MACC1: variants seen among roughly 807,000 people sequenced by gnomAD.
MACC1 encodes the protein MET transcriptional regulator MACC1.
MACC1 carries 79 observed loss-of-function variants against 70.7 expected under a neutral mutation model. That is an observed-to-expected ratio of 1.12 (90% confidence interval 0.93 to 1.35). MACC1 has a LOEUF of 1.35. Among genes scored for constraint, MACC1 ranks in the 40% most tolerant of loss-of-function variants. MACC1 has a pLI of 0.00. For missense variants in MACC1, 1,106 were observed against 978.1 expected, an observed-to-expected ratio of 1.13 and a Z score of -1.74; for synonymous variants, 361 against 347.2, an observed-to-expected ratio of 1.04 and a Z score of -0.44.
chr7:20,187,921 T>G (rs1266918120), intron 1 of MACC1, among the ~76,000 whole-genome samples: 1 of 152,168 alleles, frequency 6.6e-6, no homozygotes, highest in Non-Finnish European at 1.5e-5. Flanking sequence ...AAGAACTGCC[T>G]GAGACTGGGT....
At position 20,158,545 on chromosome 7, in the gene MACC1, T is replaced by A; in HGVS notation, c.1816A>T (p.Ile606Phe). The change falls in exon 5 of 7, where the codon ATT (isoleucine) becomes TTT (phenylalanine). Residue 606 changes from isoleucine (I) to phenylalanine (F), a missense_variant. Physicochemically the swap from Ile to Phe is conservative, Grantham distance 21. Coordinates refer to ENST00000400331, the MANE Select transcript of MACC1 (RefSeq NM_182762.4). Reference protein sequence around the residue: ...EWYVGVLRGKIGLVHCKNVKV... With the variant: ...EWYVGVLRGKFGLVHCKNVKV... Reference sequence around the variant, plus strand: ...ACATTTTTGCAGTGTACAAGTCCAATCTTACCTCTGAGGACTCCTACATAC... The same window carrying A: ...ACATTTTTGCAGTGTACAAGTCCAAACTTACCTCTGAGGACTCCTACATAC... The A allele has an allele frequency of 6.2e-7, 1 of 1,614,130 alleles. No homozygotes were observed. Among genetic ancestry groups the A allele is most frequent in the Admixed American group, 1.7e-5 (1 of 60,008 alleles).
intron 1 of MACC1, among the ~76,000 whole-genome samples, chr7:20,173,708 C>CAT (rs1392557952): frequency 6.6e-6 from 1 of 152,160 alleles, no homozygotes; most frequent in East Asian, 1.9e-4. Flanking sequence ...ATCTTGGGTC[C>CAT]TAGCCACATA....
intron 1 of MACC1, among the ~76,000 whole-genome samples, chr7:20,190,909 G>C (rs1295343277): frequency 6.6e-6 from 1 of 152,142 alleles, no homozygotes; most frequent in Non-Finnish European, 1.5e-5. Context: ...AAACACAATT[G>C]TTACTATGTA....
rs1285173138 is a variant in MACC1, at chr7:20,159,685, G to GTAC, written c.673_675dup (p.Val225dup). ...ACAGTGATGTCTGATTCAGGTAATT[G>GTAC]TACTGACCCTCCTTGATGGTTTACT... On this transcript the variant is annotated inframe_insertion, in exon 5 of 7. Coordinates refer to ENST00000400331, the MANE Select transcript of MACC1 (RefSeq NM_182762.4). 4 of 1,614,036 alleles carry GTAC rather than the reference G, an allele frequency of 2.5e-6. No homozygotes were observed. The highest frequency in any genetic ancestry group is 2.7e-5 in the African/African-American group (2 of 74,920).
chr7:20,212,149 G>C (rs765505456), intron 1 of MACC1, among the ~76,000 whole-genome samples: 23 of 152,140 alleles, frequency 1.5e-4, no homozygotes, highest in Non-Finnish European at 2.2e-4. Context: ...ATTAAGCAGG[G>C]TACTTTTTTA....
chr7:20,143,978 T>C (rs927895912), intron 6 of MACC1, among the ~76,000 whole-genome samples: 1 of 152,212 alleles, frequency 6.6e-6, no homozygotes, highest in African/African-American at 2.4e-5. Context: ...AATATGAGCA[T>C]ACTCTGTATT....
chr7:20,160,467 G>A (rs189166853), intron 4 of MACC1, among the ~76,000 whole-genome samples: 2 of 152,184 alleles, frequency 1.3e-5, no homozygotes, highest in Non-Finnish European at 2.9e-5. Flanking sequence ...TTGAACATAT[G>A]TAATGTTATT....
intron 1 of MACC1, among the ~76,000 whole-genome samples, chr7:20,189,083 C>T (rs1275302157): frequency 6.6e-6 from 1 of 152,188 alleles, no homozygotes; most frequent in Non-Finnish European, 1.5e-5. Flanking sequence ...CTGCCAAAAA[C>T]ACTCTTTCCC....
intron 1 of MACC1, among the ~76,000 whole-genome samples, chr7:20,198,008 C>T (rs1349689248): frequency 6.6e-6 from 1 of 152,072 alleles, no homozygotes; most frequent in Non-Finnish European, 1.5e-5. Context: ...AAAATACCAC[C>T]CTCTGGTGGT....
rs565852378 is a variant in MACC1, at chr7:20,202,585, A to G, written c.-218+14714T>C. Among the ~76,000 whole-genome samples, 12 of 152,298 alleles carry G rather than the reference A, an allele frequency of 7.9e-5. No individual in the cohort carries two copies. The East Asian group carries it at 2.1e-3, about 27-fold the overall frequency. ...TAATAATTGTTATTCCCTTTCCACT[A>G]TGCTTTATGAGAATTAAATGATTTA... On this transcript the variant is annotated intron_variant, in intron 1 of 6. Coordinates refer to ENST00000400331, the MANE Select transcript of MACC1 (RefSeq NM_182762.4).
chr7:20,178,107 T>A (rs1402966904), intron 1 of MACC1, among the ~76,000 whole-genome samples: 1 of 152,180 alleles, frequency 6.6e-6, no homozygotes, highest in Non-Finnish European at 1.5e-5. Flanking sequence ...AGTTTTAAGA[T>A]CTCAGTTTAC....
rs143775629 is a variant in MACC1 at position 20,188,503 on chromosome 7, C to G, written c.-217-17725G>C. 1.2e-3 allele frequency among the ~76,000 whole-genome samples: 180 copies of G among 152,250 alleles called. No individual in the cohort carries two copies. In the East Asian group the frequency reaches 0.017, roughly 14 times the overall value. On this transcript the variant is annotated intron_variant, in intron 1 of 6. Coordinates refer to ENST00000400331, the MANE Select transcript of MACC1 (RefSeq NM_182762.4). ...TCTATAAGCATAAAACATCAGGATG[C>G]TTTTTACATCTTTAAAGAAAAGTCA...
intron 1 of MACC1, among the ~76,000 whole-genome samples, chr7:20,171,486 C>A (rs1782306310): frequency 6.6e-6 from 1 of 151,816 alleles, no homozygotes; most frequent in Non-Finnish European, 1.5e-5. Flanking sequence ...GATCTCCTGA[C>A]CTTGTGATCC....
Position 20,212,908 on chromosome 7 carries a change from G to A in MACC1, c.-218+4391C>T, listed in dbSNP as rs142513688. On this transcript the variant is annotated intron_variant, in intron 1 of 6. Coordinates refer to ENST00000400331, the MANE Select transcript of MACC1 (RefSeq NM_182762.4). ...TGTAGGCGGAAGAATACTAGCGGGA[G>A]TGGCTGGAGACCCCATTTGGTAGGT... Among the ~76,000 whole-genome samples, 346 of 152,232 alleles carry A rather than the reference G, an allele frequency of 2.3e-3. 11 individuals are homozygous for A. The East Asian group carries it at 0.05, about 22-fold the overall frequency.
At chr7:20,186,858 T>C (rs905736852) in intron 1 of MACC1, among the ~76,000 whole-genome samples, 4 of 152,196 alleles carry the variant, frequency 2.6e-5, no homozygotes, top group African/African-American at 9.6e-5. Flanking sequence ...TCATTAAAAA[T>C]AATCTTGACG....
At chr7:20,210,805 CATTA>C (rs1452036088) in intron 1 of MACC1, among the ~76,000 whole-genome samples, 2 of 152,172 alleles carry the variant, frequency 1.3e-5, no homozygotes, top group African/African-American at 2.4e-5. Context: ...TGATTAAATA[CATTA>C]ATTAACTTTC....
intron 4 of MACC1, among the ~76,000 whole-genome samples, chr7:20,160,824 G>C (rs1213872827): frequency 2.0e-5 from 3 of 152,030 alleles, no homozygotes; most frequent in African/African-American, 7.2e-5. Context: ...TAATTTATTA[G>C]ATAATTCTAT....
intron 2 of MACC1, among the ~76,000 whole-genome samples, chr7:20,165,946 CA>C: frequency 6.6e-6 from 1 of 152,098 alleles, no homozygotes; most frequent in East Asian, 1.9e-4. Context: ...TACAACTTAG[CA>C]AAAAAGTCAG....
At chr7:20,210,953 A>T (rs1304753577) in intron 1 of MACC1, among the ~76,000 whole-genome samples, 2 of 152,152 alleles carry the variant, frequency 1.3e-5, no homozygotes, top group Non-Finnish European at 2.9e-5. Context: ...ATCATTTCCC[A>T]ATCTTCCTAT....
Sources: gnomAD v4.1 joint callset for allele counts (sites outside exome capture counted in the v4.1 genomes callset) on GRCh38, gnomAD v4.1.1 for gene constraint, MANE v1.5 for transcripts, NCBI Gene and HGNC (gene_info 2026-07-23, HGNC 2026-07-21) for gene names.